Variants in RGS17 observed in about 807,000 individuals in gnomAD.
RGS17 encodes the protein regulator of G protein signaling 17, also known as regulator of G-protein signaling 17.
A neutral mutation model predicts 25.5 loss-of-function variants in RGS17; 12 were observed. The observed-to-expected ratio is 0.47, with a 90% CI of 0.30 to 0.76. The LOEUF is 0.76. Ranked by LOEUF, RGS17 falls within the 30% of genes least tolerant of loss-of-function variation. The probability of loss-of-function intolerance (pLI) is 0.07; values close to 1 mark genes in which losing one functional copy is unlikely to be tolerated. For synonymous variants in RGS17, 71 were observed against 76.9 expected (o/e 0.92, Z 0.40); for missense variants, 196 against 242.2 (o/e 0.81, Z 1.27).
intron 1 of RGS17, among the ~76,000 whole-genome samples, chr6:153,068,476 C>T (rs1290714706): frequency 1.3e-5 from 2 of 152,020 alleles, no homozygotes; most frequent in Non-Finnish European, 2.9e-5. Context: ...AAGACTTCAT[C>T]TAAGACATCA....
Position 153,011,670 on chromosome 6 carries a change from A to G in RGS17, c.537T>C (p.Tyr179=), listed in dbSNP as rs751322178. Residue 179 remains tyrosine, a synonymous_variant, in exon 5 of 5, where the codon TAT becomes TAC. Coordinates refer to ENST00000206262, the MANE Select transcript of RGS17 (RefSeq NM_012419.5). ...GAAAAGAATCTCTGTGCATTAAAGTATATATCTGAAGTTGGGCATCTTCAT... is the reference window on the plus strand; with the variant it reads ...GAAAAGAATCTCTGTGCATTAAAGTGTATATCTGAAGTTGGGCATCTTCAT... ...HMYEDAQLQI[Y]TLMHRDSFPR... 1.6e-5 allele frequency: 26 copies of G among 1,612,376 alleles called. No individual in the cohort carries two copies. Among genetic ancestry groups the G allele is most frequent in the Non-Finnish European group, 2.1e-5 (25 of 1,178,632 alleles).
chr6:153,104,779 C>T (rs1239965502), intron 1 of RGS17, among the ~76,000 whole-genome samples: 5 of 150,552 alleles, frequency 3.3e-5, no homozygotes, highest in Middle Eastern at 3.4e-3. Flanking sequence ...GCAGAGATCA[C>T]GCCACTGCAC....
chr6:153,104,055 A>T (rs972592102), intron 1 of RGS17, among the ~76,000 whole-genome samples: 1 of 152,226 alleles, frequency 6.6e-6, no homozygotes, highest in African/African-American at 2.4e-5. Flanking sequence ...TTGATATTTC[A>T]ATCAGTTGTG....
chr6:153,094,761 T>C (rs1361054928), intron 1 of RGS17, among the ~76,000 whole-genome samples: 1 of 152,196 alleles, frequency 6.6e-6, no homozygotes, highest in Non-Finnish European at 1.5e-5. Flanking sequence ...CTTTCTTTCT[T>C]TTCCCTTCCT....
At chr6:153,026,270 C>CT (rs1360303836) in intron 3 of RGS17, among the ~76,000 whole-genome samples, 184 bp downstream of exon 3, 1 of 151,972 alleles carries the variant, frequency 6.6e-6, no homozygotes, top group Non-Finnish European at 1.5e-5. Flanking sequence ...CTTAACATAG[C>CT]TAATAGAAAA....
chr6:153,061,312 C>CAA (rs1167617426), intron 1 of RGS17, among the ~76,000 whole-genome samples: 1 of 152,078 alleles, frequency 6.6e-6, no homozygotes, highest in African/African-American at 2.4e-5. Flanking sequence ...TTCACTGTGC[C>CAA]ATTCTAAAAT....
chr6:153,034,898 C>A (rs925023521), intron 2 of RGS17, among the ~76,000 whole-genome samples: 58 of 152,166 alleles, frequency 3.8e-4, no homozygotes, highest in African/African-American at 1.4e-3. Context: ...GCCTATAATC[C>A]CAACAATTTG....
intron 1 of RGS17, among the ~76,000 whole-genome samples, chr6:153,123,661 A>C (rs1237810105): frequency 6.6e-6 from 1 of 152,174 alleles, no homozygotes; most frequent in Admixed American, 6.5e-5. Context: ...TGGTCAAGGT[A>C]CTATATTATA....
At chr6:153,035,451 T>C (rs985756194) in intron 2 of RGS17, among the ~76,000 whole-genome samples, 3 of 152,198 alleles carry the variant, frequency 2.0e-5, no homozygotes, top group Non-Finnish European at 2.9e-5. Flanking sequence ...CAGATTGTAA[T>C]AGGTCTACCA....
At chr6:153,094,115 G>C (rs144007037) in intron 1 of RGS17, among the ~76,000 whole-genome samples, 2,732 of 148,938 alleles carry the variant, frequency 0.018, 100 homozygotes, top group African/African-American at 0.063. Flanking sequence ...TCATTCTGTC[G>C]CCCAGGCTGG....
chr6:153,010,068 T>C lies in RGS17; in HGVS notation c.*1506A>G, dbSNP rs542539791. 6.6e-6 allele frequency: 1 copy of C among 152,030 alleles called. No homozygotes were observed. Among genetic ancestry groups the C allele is most frequent in the African/African-American group, 2.4e-5 (1 of 41,562 alleles). 9.4% of individuals were successfully genotyped at this position (152,030 alleles called of 1,614,324 possible). A position where few individuals can be genotyped will look rare whatever the true frequency, so the allele number is the denominator to read the frequency against. On this transcript the variant is annotated 3_prime_UTR_variant, in exon 5 of 5. Transcript: ENST00000206262. ...TTAAAAAAATGACAAAGAAAACCTG[T>C]AACTGTAATATCATCCTTAATATAA...
intron 1 of RGS17, among the ~76,000 whole-genome samples, chr6:153,053,281 A>T (rs772881733): frequency 8.5e-5 from 13 of 152,208 alleles, no homozygotes; most frequent in Non-Finnish European, 1.5e-4. Flanking sequence ...CAAAATATTA[A>T]ATACAGTATC....
rs553057822 is a variant in RGS17, at chr6:153,018,674, G to A, written c.444+5588C>T. ...AATCTCCAGCCCATCACAATTTTTA[G>A]TTACTTATTTCAACAAGATTTGTCT... On this transcript the variant is annotated intron_variant, in intron 4 of 4. Coordinates refer to ENST00000206262, the MANE Select transcript of RGS17 (RefSeq NM_012419.5). 5.3e-5 allele frequency among the ~76,000 whole-genome samples: 8 copies of A among 152,204 alleles called. No homozygotes were observed. In the East Asian group the frequency reaches 1.5e-3, roughly 29 times the overall value.
At chr6:153,113,273 T>G (rs1170190343) in intron 1 of RGS17, among the ~76,000 whole-genome samples, 2 of 152,074 alleles carry the variant, frequency 1.3e-5, no homozygotes, top group Non-Finnish European at 2.9e-5. Flanking sequence ...AAAGCAGGGT[T>G]GGCCATCCTT....
At chr6:153,104,294 A>T (rs1287117326) in intron 1 of RGS17, among the ~76,000 whole-genome samples, 1 of 152,106 alleles carries the variant, frequency 6.6e-6, no homozygotes, top group Admixed American at 6.6e-5. Flanking sequence ...TGTTTGTTAT[A>T]CTCCTAGTAA....
intron 1 of RGS17, among the ~76,000 whole-genome samples, chr6:153,095,169 T>C (rs1258232790): frequency 1.3e-5 from 2 of 152,178 alleles, no homozygotes; most frequent in Admixed American, 6.5e-5. Context: ...TTAGTATTTA[T>C]GAAATTTGGT....
At chr6:153,033,878 C>T (rs1261001876) in intron 2 of RGS17, among the ~76,000 whole-genome samples, 2 of 152,106 alleles carry the variant, frequency 1.3e-5, no homozygotes, top group East Asian at 3.9e-4. Flanking sequence ...TAAGTGAATG[C>T]CTTAATGGGA....
chr6:153,030,728 G>A (rs1779352818), intron 2 of RGS17, among the ~76,000 whole-genome samples: 1 of 152,148 alleles, frequency 6.6e-6, no homozygotes. Context: ...AAATACTAGA[G>A]GAGTTAGCAA....
intron 1 of RGS17, among the ~76,000 whole-genome samples, chr6:153,048,933 T>C (rs1436986199): frequency 6.6e-6 from 1 of 152,216 alleles, no homozygotes; most frequent in East Asian, 1.9e-4. Flanking sequence ...TTGTTCATTG[T>C]TGTAACAATG....
Sources: allele counts gnomAD v4.1 joint callset (sites outside exome capture counted in the v4.1 genomes callset), GRCh38; gene constraint gnomAD v4.1.1; transcripts MANE v1.5; gene names NCBI Gene and HGNC (gene_info 2026-07-23, HGNC 2026-07-21).